Variants in MIB1 observed in about 807,000 individuals in gnomAD.
The protein encoded by MIB1 is E3 ubiquitin-protein ligase MIB1.
In MIB1, 278 loss-of-function variants were observed where a neutral mutation model predicts 124.5. The observed-to-expected ratio is 2.23, with a 90% CI of 2.02 to 2.47. MIB1 has a LOEUF of 2.47. Among genes scored for constraint, MIB1 ranks in the 30% most tolerant of loss-of-function variants. The pLI is 0.00. For synonymous variants in MIB1, 446 were observed against 429.4 expected (o/e 1.04, Z -0.48); for missense variants, 957 against 1,254.4 (o/e 0.76, Z 3.58).
In MIB1 at chr18:21,782,457, A is replaced by G. The variant is rs187831503; in HGVS notation, c.908+2772A>G. 1.2e-3 allele frequency among the ~76,000 whole-genome samples: 189 copies of G among 152,262 alleles called. 2 individuals are homozygous for G. The highest frequency in any genetic ancestry group is 4.4e-3 in the African/African-American group (182 of 41,566). ...TGATCAGGTGTTTATTGCTATAGATATCCCTCTTACTACTGCTTTTTCTGT... is the reference window on the plus strand; with the variant it reads ...TGATCAGGTGTTTATTGCTATAGATGTCCCTCTTACTACTGCTTTTTCTGT... On this transcript the variant is annotated intron_variant, in intron 6 of 20. Transcript: ENST00000261537.
In MIB1 at chr18:21,864,553, C is replaced by T. The variant is rs2042305551; in HGVS notation, c.2908C>T (p.Leu970=). The T allele has an allele frequency of 1.2e-6, 2 of 1,613,302 alleles. No homozygotes were observed. The highest frequency in any genetic ancestry group is 1.7e-5 in the Admixed American group (1 of 60,000). The change falls in exon 21 of 21, where the codon CTG becomes TTG. Residue 970 remains leucine (L), a synonymous_variant. Transcript: ENST00000261537. The part of the protein sequence containing the change: ...QTMCPVCLDR[L]KNMIFLCGHG... ...AATGTGCCCTGTGTGTCTAGATCGT[C>T]TGAAGAATATGATTTTCCTTTGTGG... is the stretch of plus-strand genomic sequence containing the variant.
intron 10 of MIB1, among the ~76,000 whole-genome samples, chr18:21,810,246 G>C (rs993916897): frequency 6.6e-6 from 1 of 151,980 alleles, no homozygotes; most frequent in African/African-American, 2.4e-5. Context: ...AATTAAAGAA[G>C]ACAGATAACT....
At chr18:21,768,027 A>G (rs998082065) in intron 2 of MIB1, among the ~76,000 whole-genome samples, 2 of 152,114 alleles carry the variant, frequency 1.3e-5, no homozygotes, top group Admixed American at 6.6e-5. Flanking sequence ...GACCTTTTAG[A>G]CTGATGATGC....
Position 21,853,139 on chromosome 18 carries a change from G to C in MIB1, c.2587-1G>C. 2.5e-6 allele frequency: 4 copies of C among 1,608,636 alleles called. No homozygotes were observed. The highest frequency in any genetic ancestry group is 3.4e-6 in the Non-Finnish European group (4 of 1,175,364). ...CTGTGCTGTAACCTCTTTTTCTATA[G>C]ATTGAAGAATGTGTGGTATGCTCTG... is the stretch of plus-strand genomic sequence containing the variant. On this transcript the variant is annotated splice_acceptor_variant, in intron 17 of 20. Transcript: ENST00000261537. LOFTEE classifies it high-confidence loss of function.
chr18:21,706,841 C>T (rs906140074), intron 1 of MIB1, among the ~76,000 whole-genome samples: 1 of 152,208 alleles, frequency 6.6e-6, no homozygotes, highest in African/African-American at 2.4e-5. Flanking sequence ...GCCTCCCCCA[C>T]GAGCGCTGCC....
At chr18:21,840,665 AT>A (rs375520508) in intron 13 of MIB1, among the ~76,000 whole-genome samples, 3 of 3,138 alleles carry the variant, frequency 9.6e-4, no homozygotes, top group African/African-American at 1.3e-3. Flanking sequence ...ATATATATAT[AT>A]TTTTTTTTTT....
At chr18:21,816,059 T>A (rs1052815972) in intron 11 of MIB1, among the ~76,000 whole-genome samples, 2 of 152,168 alleles carry the variant, frequency 1.3e-5, no homozygotes, top group East Asian at 3.8e-4. Flanking sequence ...TGTAAAAATA[T>A]CAGCTTATGA....
intron 11 of MIB1, among the ~76,000 whole-genome samples, chr18:21,816,456 A>T (rs1011765948): frequency 6.6e-6 from 1 of 152,204 alleles, no homozygotes; most frequent in Admixed American, 6.5e-5. Flanking sequence ...TTCTATACTT[A>T]GTAATTTTGT....
chr18:21,807,447 C>T (rs3017023), intron 10 of MIB1, among the ~76,000 whole-genome samples: 5,219 of 152,162 alleles, frequency 0.034, 331 homozygotes, highest in African/African-American at 0.12. Context: ...AAGACTACAG[C>T]CCAAGACTAA....
upstream of MIB1, among the ~76,000 whole-genome samples, chr18:21,740,032 A>T (rs2040827270): frequency 6.6e-6 from 1 of 152,112 alleles, no homozygotes. Context: ...TCCCTTGATT[A>T]TCCATTCTGT....
At chr18:21,718,853 C>T (rs549539455) in intron 1 of MIB1, among the ~76,000 whole-genome samples, 16 of 152,102 alleles carry the variant, frequency 1.1e-4, no homozygotes, top group South Asian at 4.1e-4. Flanking sequence ...GAGTTCAAGA[C>T]GAGTCTAGTC....
chr18:21,777,625 G>C (rs1368011311), intron 4 of MIB1, among the ~76,000 whole-genome samples: 1 of 151,906 alleles, frequency 6.6e-6, no homozygotes, highest in Non-Finnish European at 1.5e-5. Context: ...CGTGACCTCA[G>C]CTCACTGCAA....
chr18:21,739,096 A>G (rs1016914783), upstream of MIB1, among the ~76,000 whole-genome samples: 4 of 152,106 alleles, frequency 2.6e-5, no homozygotes, highest in Non-Finnish European at 4.4e-5. Flanking sequence ...AAAAAATTAT[A>G]AAGGGGATAT....
chr18:21,824,039 TAGTC>T (rs2041903261), intron 12 of MIB1, among the ~76,000 whole-genome samples: 1 of 152,174 alleles, frequency 6.6e-6, no homozygotes. Context: ...GAAAATAAAT[TAGTC>T]AGCAGTATTC....
At chr18:21,767,283 C>A (rs190665792) in intron 2 of MIB1, among the ~76,000 whole-genome samples, 1 of 152,116 alleles carries the variant, frequency 6.6e-6, no homozygotes, top group Non-Finnish European at 1.5e-5. Context: ...GAAGCAAACA[C>A]GCCCTTCCTT....
chr18:21,767,214 G>A (rs2041171578), intron 2 of MIB1, among the ~76,000 whole-genome samples: 1 of 152,296 alleles, frequency 6.6e-6, no homozygotes, highest in South Asian at 2.1e-4. Context: ...AGGTTTAATT[G>A]ACTTACAGTT....
At chr18:21,721,814 T>C (rs117943407) in intron 1 of MIB1, among the ~76,000 whole-genome samples, 2 of 152,212 alleles carry the variant, frequency 1.3e-5, no homozygotes, top group African/African-American at 4.8e-5. Context: ...GCAAAGATAG[T>C]ACAGGGTTCC....
upstream of MIB1, among the ~76,000 whole-genome samples, chr18:21,739,078 G>T (rs2040813255): frequency 6.6e-6 from 1 of 151,672 alleles, no homozygotes; most frequent in African/African-American, 2.4e-5. Flanking sequence ...GAATCAAATA[G>T]ATGCAATAAA....
chr18:21,789,347 A>C (rs950257359), intron 6 of MIB1, among the ~76,000 whole-genome samples: 6 of 151,518 alleles, frequency 4.0e-5, no homozygotes, highest in African/African-American at 1.5e-4. Context: ...CTAAACATTG[A>C]ATTTAGGGCC....
Sources: allele counts gnomAD v4.1 joint callset (sites outside exome capture counted in the v4.1 genomes callset), GRCh38; gene constraint gnomAD v4.1.1; transcripts MANE v1.5; gene names NCBI Gene and HGNC (gene_info 2026-07-23, HGNC 2026-07-21).